The following SPOCK1 variants were observed in gnomAD, a reference collection of about 807,000 sequenced individuals.
SPOCK1 encodes SPARC (osteonectin), cwcv and kazal like domains proteoglycan 1.
A neutral mutation model predicts 55.3 loss-of-function variants in SPOCK1; 23 were observed. The ratio of observed to expected loss-of-function variants is 0.42; its 90% CI spans 0.30 to 0.59. SPOCK1 has a LOEUF of 0.59. Among genes scored for constraint, SPOCK1 ranks in the 20% least tolerant of loss-of-function variants. The pLI is 0.22. For synonymous variants in SPOCK1, 226 were observed against 221.0 expected, an observed-to-expected ratio of 1.02 and a Z score of -0.20; for missense variants, 499 against 552.5, an observed-to-expected ratio of 0.90 and a Z score of 0.97.
intron 4 of SPOCK1, among the ~76,000 whole-genome samples, chr5:137,139,221 C>A (rs1024937256): frequency 2.0e-5 from 3 of 152,164 alleles, no homozygotes; most frequent in African/African-American, 7.2e-5. Flanking sequence ...TAAAAACAAC[C>A]TTGACAGTGA....
At chr5:137,309,768 T>C (rs62374172) in intron 2 of SPOCK1, among the ~76,000 whole-genome samples, 28,425 of 151,926 alleles carry the variant, frequency 0.19, 2,757 homozygotes, top group East Asian at 0.27. Flanking sequence ...TCACATAGAA[T>C]GATCCTGAGG....
intron 2 of SPOCK1, among the ~76,000 whole-genome samples, chr5:137,482,658 G>T (rs143562322): frequency 2.6e-5 from 4 of 152,128 alleles, no homozygotes; most frequent in Non-Finnish European, 1.5e-5. Flanking sequence ...GAATTCAGGG[G>T]ACCGGGTCAT....
At chr5:137,427,612 G>A (rs557273574) in intron 2 of SPOCK1, among the ~76,000 whole-genome samples, 5 of 152,060 alleles carry the variant, frequency 3.3e-5, no homozygotes, top group South Asian at 2.1e-4. Context: ...TTGTCTTACC[G>A]TAAAAGGCAG....
chr5:137,401,558 CAAAAAAAAAAA>C (rs34044799), intron 2 of SPOCK1, among the ~76,000 whole-genome samples: 9 of 100,452 alleles, frequency 9.0e-5, no homozygotes, highest in African/African-American at 3.4e-4. Context: ...CTCATCTCTA[CAAAAAAAAAAA>C]AAAAAAAAAA....
intron 2 of SPOCK1, among the ~76,000 whole-genome samples, chr5:137,434,480 C>CTTTTTTTTTTT (rs146762668): frequency 0.023 from 1,602 of 68,338 alleles, 182 homozygotes; most frequent in Admixed American, 0.03. Context: ...TCTTTTTTTT[C>CTTTTTTTTTTT]TTTTTTTTTT....
chr5:137,244,662 T>C (rs1580826237), intron 3 of SPOCK1, among the ~76,000 whole-genome samples: 1 of 152,268 alleles, frequency 6.6e-6, no homozygotes, highest in East Asian at 1.9e-4. Context: ...ACCAACAAGA[T>C]TTTGTTCTAC....
chr5:137,123,984 A>C lies in SPOCK1; in HGVS notation c.348-11423T>G, dbSNP rs920897898. 2.6e-5 allele frequency among the ~76,000 whole-genome samples: 4 copies of C among 152,052 alleles called. No homozygotes were observed. The East Asian group carries it at 5.8e-4, about 22-fold the overall frequency. The stretch of plus-strand genomic sequence containing the variant: ...TGAAGGAGCACAACTTCATCACCCC[A>C]AGCCTCTGCTCTGCCTATTTCTACC... On this transcript the variant is annotated intron_variant, in intron 4 of 10. Coordinates refer to ENST00000394945, the MANE Select transcript of SPOCK1 (RefSeq NM_004598.4).
rs115231146 is a variant in SPOCK1, at chr5:137,157,360, G to C, written c.233-16666C>G. On this transcript the variant is annotated intron_variant, in intron 3 of 10. Transcript: ENST00000394945. ...GATAACTTCTTTTTTAGCTTAACAG[G>C]CTGTGTCATTATTCTTCCTTTGAAT... 3.8e-3 allele frequency among the ~76,000 whole-genome samples: 585 copies of C among 152,252 alleles called. 4 individuals are homozygous for C. The highest frequency in any genetic ancestry group is 0.012 in the African/African-American group (517 of 41,546).
At chr5:137,464,283 CAG>C (rs1377524197) in intron 2 of SPOCK1, among the ~76,000 whole-genome samples, 1 of 152,108 alleles carries the variant, frequency 6.6e-6, no homozygotes, top group African/African-American at 2.4e-5. Context: ...GCCTTAGTGA[CAG>C]AGCAAGATCT....
At chr5:137,434,386 T>G (rs1752811099) in intron 2 of SPOCK1, among the ~76,000 whole-genome samples, 1 of 151,756 alleles carries the variant, frequency 6.6e-6, no homozygotes, top group Admixed American at 6.6e-5. Context: ...ACCTTTCAGG[T>G]CTCACACTCA....
At chr5:137,425,216 C>T (rs1752583765) in intron 2 of SPOCK1, among the ~76,000 whole-genome samples, 1 of 152,126 alleles carries the variant, frequency 6.6e-6, no homozygotes, top group African/African-American at 2.4e-5. Flanking sequence ...AGTGGAGATA[C>T]ACTTATTACT....
At chr5:137,199,573 T>A (rs1580803845) in intron 3 of SPOCK1, among the ~76,000 whole-genome samples, 1 of 152,260 alleles carries the variant, frequency 6.6e-6, no homozygotes, top group African/African-American at 2.4e-5. Flanking sequence ...CTCCTCCTCC[T>A]CCTTGAACAT....
intron 6 of SPOCK1, among the ~76,000 whole-genome samples, chr5:137,058,258 A>C (rs1381200620): frequency 6.6e-6 from 1 of 152,206 alleles, no homozygotes; most frequent in African/African-American, 2.4e-5. Flanking sequence ...GTTCCAGAAA[A>C]GGTTTCAGAT....
At chr5:137,313,470 CG>C in intron 2 of SPOCK1, 1 of 985,410 alleles carries the variant, frequency 1.0e-6, no homozygotes, top group Non-Finnish European at 1.2e-6. Context: ...GGGCACAGGC[CG>C]GGCACCTGTG....
chr5:137,046,213 T>C (rs1752101776), intron 6 of SPOCK1, among the ~76,000 whole-genome samples: 2 of 110,594 alleles, frequency 1.8e-5, no homozygotes, highest in Admixed American at 2.0e-4. Flanking sequence ...GGGATGGCAT[T>C]GAATCTGTAA....
intron 2 of SPOCK1, among the ~76,000 whole-genome samples, chr5:137,398,373 T>A (rs953262077): frequency 1.3e-5 from 2 of 152,190 alleles, no homozygotes; most frequent in African/African-American, 4.8e-5. Flanking sequence ...TGAACTGCAA[T>A]CCATCCTCAG....
intron 2 of SPOCK1, among the ~76,000 whole-genome samples, chr5:137,283,914 A>T (rs762519561): frequency 6.6e-6 from 1 of 152,212 alleles, no homozygotes; most frequent in Non-Finnish European, 1.5e-5. Context: ...AGGTAATGGT[A>T]CCTTGCCATT....
chr5:137,320,868 G>A (rs1757971136), intron 2 of SPOCK1, among the ~76,000 whole-genome samples: 1 of 152,074 alleles, frequency 6.6e-6, no homozygotes, highest in African/African-American at 2.4e-5. Flanking sequence ...AAAGTAATGG[G>A]GAAACACAGC....
chr5:137,008,997 G>T (rs546127427), intron 6 of SPOCK1, among the ~76,000 whole-genome samples: 1 of 152,010 alleles, frequency 6.6e-6, no homozygotes, highest in Non-Finnish European at 1.5e-5. Flanking sequence ...ATTAAAAAAC[G>T]TAAAGGAAAA....
Sources: gnomAD v4.1 joint callset for allele counts (sites outside exome capture counted in the v4.1 genomes callset) on GRCh38, gnomAD v4.1.1 for gene constraint, MANE v1.5 for transcripts, NCBI Gene and HGNC (gene_info 2026-07-23, HGNC 2026-07-21) for gene names.